KIF13A: variants seen among roughly 807,000 people sequenced by gnomAD.
KIF13A encodes kinesin-like protein KIF13A.
A neutral mutation model predicts 212.2 loss-of-function variants in KIF13A; 79 were observed. The observed-to-expected ratio is 0.37, with a 90% CI of 0.31 to 0.45. The LOEUF is 0.45. Among genes scored for constraint, KIF13A ranks in the 20% least tolerant of loss-of-function variants. The probability of loss-of-function intolerance (pLI) is 1.00; values close to 1 mark genes in which losing one functional copy is unlikely to be tolerated. For synonymous variants in KIF13A, 789 were observed against 808.6 expected (o/e 0.98, Z 0.41); for missense variants, 1,901 against 2,209.0 (o/e 0.86, Z 2.79).
In KIF13A at chr6:17,900,558, G is replaced by C. The variant is rs1437778354; in HGVS notation, c.147-2378C>G. ...GAAAAGAAAAAAGGGAAGCCACAAA[G>C]CTCATCTGCTGCTACCCAAACTTAC... On this transcript the variant is annotated intron_variant, in intron 2 of 38. Transcript: ENST00000259711. This position sits in a 1 kb window ranked among gnomAD's most constrained non-coding sequence, Gnocchi z 4.6. Among the ~76,000 whole-genome samples the C allele has an allele frequency of 6.6e-6, 1 of 152,166 alleles. No homozygotes were observed. Among genetic ancestry groups the C allele is most frequent in the African/African-American group, 2.4e-5 (1 of 41,432 alleles).
At chr6:17,935,352 C>A (rs748811748) in intron 2 of KIF13A, among the ~76,000 whole-genome samples, 2 of 152,144 alleles carry the variant, frequency 1.3e-5, no homozygotes, top group Non-Finnish European at 2.9e-5. Flanking sequence ...CCACAGAGAC[C>A]TGGCTCAGCT....
rs184425960 is a variant in KIF13A at position 17,975,732 on chromosome 6, C to G, written c.146+11322G>C. On this transcript the variant is annotated intron_variant, in intron 2 of 38. Coordinates refer to ENST00000259711, the MANE Select transcript of KIF13A (RefSeq NM_022113.6). ...CTGAGCTAGACACAAAGGTTCTCCA[C>G]GTCCTCATTAGATTAGCTAGATACA... is the stretch of plus-strand genomic sequence containing the variant. 3.2e-3 allele frequency among the ~76,000 whole-genome samples: 486 copies of G among 152,078 alleles called. 7 individuals are homozygous for G. The highest frequency in any genetic ancestry group is 0.011 in the African/African-American group (450 of 41,378).
chr6:17,784,534 A>G (rs1284752909), intron 28 of KIF13A, among the ~76,000 whole-genome samples: 1 of 152,324 alleles, frequency 6.6e-6, no homozygotes, highest in East Asian at 1.9e-4. Context: ...TTAAAAAAAT[A>G]AAAAAAGAAG....
At chr6:17,866,249 G>T (rs1217231696) in intron 4 of KIF13A, among the ~76,000 whole-genome samples, 1 of 152,054 alleles carries the variant, frequency 6.6e-6, no homozygotes, top group African/African-American at 2.4e-5. Flanking sequence ...AGTATTTGAG[G>T]CGAGGTTAAA....
rs763197579 is a variant in KIF13A at position 17,794,305 on chromosome 6, T to C, written c.3166A>G (p.Ile1056Val). 1.1e-5 allele frequency: 17 copies of C among 1,613,486 alleles called. No individual in the cohort carries two copies. The highest frequency in any genetic ancestry group is 1.4e-5 in the Non-Finnish European group (16 of 1,179,466). ...GTGGACCTGGCAGTTACACAGCCGATGGATACTGACAGGATGGCTTCAACC... is the reference window on the plus strand; with the variant it reads ...GTGGACCTGGCAGTTACACAGCCGACGGATACTGACAGGATGGCTTCAACC... ...LMVEAILSVS[I>V]GCVTARSTKL... The change falls in exon 25 of 39, where the codon ATC becomes GTC. Residue 1056 changes from isoleucine to valine, a missense_variant. Physicochemically the swap from Ile to Val is conservative, Grantham distance 29. Transcript: ENST00000259711. The surrounding 1 kb of genome is among the most constrained non-coding windows in gnomAD (Gnocchi z 4.1).
At position 17,850,575 on chromosome 6, in the gene KIF13A, A is replaced by G. The variant is rs534702844; in HGVS notation, c.583-118T>C. The G allele has an allele frequency of 1.0e-6, 1 of 993,676 alleles. No individual in the cohort carries two copies. Among genetic ancestry groups the G allele is most frequent in the African/African-American group, 1.6e-5 (1 of 61,324 alleles). The allele number at this position is 993,676 out of a possible 1,614,324, so 61.6% of individuals were successfully genotyped here. On this transcript the variant is annotated intron_variant, in intron 7 of 38. Coordinates refer to ENST00000259711, the MANE Select transcript of KIF13A (RefSeq NM_022113.6). This position sits in a 1 kb window ranked among gnomAD's most constrained non-coding sequence, Gnocchi z 6.2. ...TGCCTTTGTCACCACCCTTCCATAG[A>G]AACCTCCCTGCCGCTCCTCCATTGA...
In KIF13A at chr6:17,951,594, T is replaced by C. The variant is rs1354716881; in HGVS notation, c.146+35460A>G. ...TCAATACCCCCCTCAAAAAATGCCA[T>C]ATCCATCGGCAGTCACTCTCCATTT... On this transcript the variant is annotated intron_variant, in intron 2 of 38. Transcript: ENST00000259711. The surrounding 1 kb of genome is among the most constrained non-coding windows in gnomAD (Gnocchi z 4.9). Among the ~76,000 whole-genome samples the C allele has an allele frequency of 6.6e-6, 1 of 151,508 alleles. No individual in the cohort carries two copies. Among genetic ancestry groups the C allele is most frequent in the East Asian group, 1.9e-4 (1 of 5,182 alleles).
intron 3 of KIF13A, among the ~76,000 whole-genome samples, chr6:17,874,999 G>GTACACACA (rs1554188631): frequency 1.7e-5 from 2 of 120,266 alleles, no homozygotes; most frequent in African/African-American, 6.1e-5. Flanking sequence ...ACACGCACAC[G>GTACACACA]CACGCACACA....
intron 16 of KIF13A, among the ~76,000 whole-genome samples, chr6:17,819,338 C>T (rs577021810): frequency 3.3e-5 from 5 of 152,052 alleles, no homozygotes; most frequent in South Asian, 2.1e-4. Context: ...CTGAGGTGGG[C>T]GATCACTTGA....
Position 17,987,338 on chromosome 6 carries a change from GC to G in KIF13A, c.55+70del. 8.7e-7 allele frequency: 1 copy of G among 1,150,732 alleles called. No individual in the cohort carries two copies. Among genetic ancestry groups the G allele is most frequent in the African/African-American group, 1.7e-5 (1 of 60,280 alleles). 71.3% of individuals were successfully genotyped at this position (1,150,732 alleles called of 1,614,324 possible). ...CCCCGGCCGCGCTCTCGCCGTCCCG[GC>G]CCCGCAGTTTCTAAAGTTGCCCCCG... On this transcript the variant is annotated intron_variant, in intron 1 of 38. Coordinates refer to ENST00000259711, the MANE Select transcript of KIF13A (RefSeq NM_022113.6). The surrounding 1 kb of genome is among the most constrained non-coding windows in gnomAD (Gnocchi z 7.7).
At chr6:17,821,880 A>G in intron 16 of KIF13A, 1 of 1,535,438 alleles carries the variant, frequency 6.5e-7, no homozygotes, top group East Asian at 2.4e-5. Flanking sequence ...ACCACCAGGC[A>G]GACAGGCTTA....
intron 35 of KIF13A, among the ~76,000 whole-genome samples, chr6:17,774,037 T>C (rs985179793): frequency 2.6e-5 from 4 of 152,192 alleles, no homozygotes; most frequent in Non-Finnish European, 5.9e-5. Context: ...GTGGTTACTC[T>C]ACCTATATTT....
chr6:17,830,415 C>CAT (rs1765346026), intron 13 of KIF13A, among the ~76,000 whole-genome samples: 1 of 152,086 alleles, frequency 6.6e-6, no homozygotes, highest in Non-Finnish European at 1.5e-5. Context: ...ACAGTAAACA[C>CAT]GGATATAACC....
intron 2 of KIF13A, among the ~76,000 whole-genome samples, chr6:17,941,095 G>T (rs1018527380): frequency 2.8e-4 from 43 of 152,268 alleles, no homozygotes; most frequent in African/African-American, 8.7e-4. Context: ...AAAGTGCTGG[G>T]ATTACAGGCG....
At chr6:17,894,793 GTTTCCCC>G (rs1772414603) in intron 3 of KIF13A, among the ~76,000 whole-genome samples, 1 of 152,128 alleles carries the variant, frequency 6.6e-6, no homozygotes, top group African/African-American at 2.4e-5. Context: ...ACACAGTACA[GTTTCCCC>G]TATGCTTTAC....
intron 2 of KIF13A, among the ~76,000 whole-genome samples, chr6:17,938,101 C>T (rs1314470396): frequency 1.3e-5 from 2 of 151,858 alleles, no homozygotes; most frequent in Non-Finnish European, 2.9e-5. Context: ...CACTATGTTG[C>T]CAAGGCTGGT....
chr6:17,779,948 G>A (rs373090364), intron 31 of KIF13A, among the ~76,000 whole-genome samples: 35 of 150,918 alleles, frequency 2.3e-4, no homozygotes, highest in East Asian at 9.9e-4. Context: ...GGGTTTCACC[G>A]TGTTAGCCAG....
chr6:17,975,195 T>C (rs928781541), intron 2 of KIF13A, among the ~76,000 whole-genome samples: 1 of 151,192 alleles, frequency 6.6e-6, no homozygotes, highest in African/African-American at 2.4e-5. Flanking sequence ...AATAAAAAAA[T>C]AAAAAAAAAC....
At chr6:17,921,455 A>G (rs909532070) in intron 2 of KIF13A, among the ~76,000 whole-genome samples, 1 of 152,250 alleles carries the variant, frequency 6.6e-6, no homozygotes, top group African/African-American at 2.4e-5. Context: ...TAAAAATGTC[A>G]GAGGACCATA....
Sources: gnomAD v4.1 joint callset for allele counts (sites outside exome capture counted in the v4.1 genomes callset) on GRCh38, gnomAD v4.1.1 for gene constraint, Gnocchi (gnomAD v3.1) non-coding constraint, MANE v1.5 for transcripts, NCBI Gene and HGNC (gene_info 2026-07-23, HGNC 2026-07-21) for gene names.